Variants in DACH2 observed in about 807,000 individuals in gnomAD.
The protein encoded by DACH2 is dachshund homolog 2.
In DACH2, 17 loss-of-function variants were observed where a neutral mutation model predicts 35.8. That is an observed-to-expected ratio of 0.48 (90% CI 0.33 to 0.71). The LOEUF (loss-of-function observed/expected upper bound fraction) is 0.71, where lower values mean the gene tolerates loss of function less well. Ranked by LOEUF, DACH2 falls within the 30% of genes least tolerant of loss-of-function variation. The pLI is 0.02. For synonymous variants in DACH2, 195 were observed against 177.3 expected, an observed-to-expected ratio of 1.10 and a Z score of -0.79; for missense variants, 469 against 472.7, an observed-to-expected ratio of 0.99 and a Z score of 0.07.
At chrX:86,829,097 A>G (rs1036788336) in intron 11 of DACH2, 1 of 111,749 alleles carries the variant, frequency 8.9e-6, no homozygotes, top group African/African-American at 3.2e-5. Flanking sequence ...ACATTAATTC[A>G]TATCGATGTG....
chrX:86,180,200 A>G lies in DACH2; in HGVS notation c.488+31092A>G, dbSNP rs2031440169. Among the ~76,000 whole-genome samples, 3 of 89,078 alleles carry G rather than the reference A, an allele frequency of 3.4e-5. No individual in the cohort carries two copies. In the South Asian group the frequency reaches 1.4e-3, roughly 43 times the overall value. The allele number at this position is 89,078 out of a possible 115,157, so 77.4% of individuals were successfully genotyped here. A position where few individuals can be genotyped will look rare whatever the true frequency, so the allele number is the denominator to read the frequency against. On this transcript the variant is annotated intron_variant, in intron 1 of 11. Transcript: ENST00000373125. ...CGTATATATATATATATATATATATATATATATGGTTCTTATAGTAATGTG... is the reference window on the plus strand; with the variant it reads ...CGTATATATATATATATATATATATGTATATATGGTTCTTATAGTAATGTG...
At chrX:86,396,706 T>C (rs1446617497) in intron 2 of DACH2, among the ~76,000 whole-genome samples, 2 of 111,149 alleles carry the variant, frequency 1.8e-5, no homozygotes, top group Admixed American at 9.6e-5. Flanking sequence ...TGCAGATATG[T>C]GGCATTATTT....
chrX:86,209,816 G>A (rs2032403175), intron 1 of DACH2, among the ~76,000 whole-genome samples: 1 of 111,048 alleles, frequency 9.0e-6, no homozygotes, highest in Non-Finnish European at 1.9e-5. Context: ...GCCTCTGAGA[G>A]CAATAATATC....
At chrX:86,339,361 T>G (rs1264433962) in intron 1 of DACH2, among the ~76,000 whole-genome samples, 1 of 111,857 alleles carries the variant, frequency 8.9e-6, no homozygotes, top group African/African-American at 3.2e-5. Context: ...GTTCATTTAG[T>G]AAGTAAAGTA....
In DACH2 at chrX:86,376,913, GC is replaced by G. The variant is rs771773458; in HGVS notation, c.527+53del. On this transcript the variant is annotated intron_variant, in intron 2 of 11. Transcript: ENST00000373125. ...ATCAAATTCCTGAGAATGTCCTGGA[GC>G]CTGTACAGATTCAGCCACACTTTCA... The G allele has an allele frequency of 2.9e-4, 154 of 537,221 alleles. 2 individuals carry two copies. Among genetic ancestry groups the G allele is most frequent in the South Asian group, 1.4e-3 (47 of 33,592 alleles). 44.3% of individuals were successfully genotyped at this position (537,221 alleles called of 1,213,427 possible).
intron 3 of DACH2, among the ~76,000 whole-genome samples, chrX:86,575,225 A>G (rs958304929): frequency 1.8e-5 from 2 of 111,121 alleles, no homozygotes; most frequent in African/African-American, 6.5e-5. Flanking sequence ...TCTATAGTAG[A>G]TTTGGCACTT....
At chrX:86,514,202 G>A in intron 2 of DACH2, 77 bp from the exon 3 acceptor site, 2 of 900,984 alleles carry the variant, frequency 2.2e-6, no homozygotes, top group East Asian at 3.4e-5. Context: ...GATTTAAAAG[G>A]TAAATATTGC....
chrX:86,328,831 G>A (rs773967668), intron 1 of DACH2, among the ~76,000 whole-genome samples: 1 of 111,612 alleles, frequency 9.0e-6, no homozygotes, highest in Non-Finnish European at 1.9e-5. Context: ...TGAAAAGGTT[G>A]AGTGAATAGG....
At chrX:86,318,431 A>G (rs1235405839) in intron 1 of DACH2, among the ~76,000 whole-genome samples, 1 of 111,672 alleles carries the variant, frequency 9.0e-6, no homozygotes, top group African/African-American at 3.2e-5. Flanking sequence ...TTTGAACAAG[A>G]TGAAAACAAG....
intron 2 of DACH2, among the ~76,000 whole-genome samples, chrX:86,468,896 T>A (rs770206141): frequency 8.9e-6 from 1 of 111,768 alleles, no homozygotes; most frequent in South Asian, 3.7e-4. Context: ...AAAAGTACAC[T>A]GCACTCCCAA....
chrX:86,335,531 A>C (rs1449782209), intron 1 of DACH2, among the ~76,000 whole-genome samples: 1 of 110,924 alleles, frequency 9.0e-6, no homozygotes, highest in African/African-American at 3.3e-5. Context: ...AAGGAACTTC[A>C]CTCATAATTT....
intron 7 of DACH2, among the ~76,000 whole-genome samples, chrX:86,771,941 A>G (rs2041991366): frequency 9.0e-6 from 1 of 111,536 alleles, no homozygotes; most frequent in African/African-American, 3.3e-5. Context: ...TGTTTGTGAA[A>G]TGTTGGTATA....
intron 5 of DACH2, among the ~76,000 whole-genome samples, chrX:86,708,657 G>T (rs983316341): frequency 2.7e-5 from 3 of 109,480 alleles, no homozygotes; most frequent in Non-Finnish European, 3.8e-5. Flanking sequence ...GGGAGTGGGG[G>T]AGGAGGAAGT....
At chrX:86,160,833 G>A in intron 1 of DACH2, 1 of 496,365 alleles carries the variant, frequency 2.0e-6, no homozygotes, top group South Asian at 3.0e-5. Flanking sequence ...CACCATACCG[G>A]GTTTGAGAAC....
At chrX:86,445,704 T>C (rs1053029449) in intron 2 of DACH2, among the ~76,000 whole-genome samples, 7 of 110,428 alleles carry the variant, frequency 6.3e-5, no homozygotes, top group Non-Finnish European at 1.3e-4. Flanking sequence ...TCTAGTGTTA[T>C]GTCACTGTGG....
At chrX:86,312,795 G>A (rs759507739) in intron 1 of DACH2, among the ~76,000 whole-genome samples, 1 of 111,262 alleles carries the variant, frequency 9.0e-6, no homozygotes, top group East Asian at 2.8e-4. Flanking sequence ...GCCTATTGTG[G>A]GACCTTGTGA....
chrX:86,514,713 G>A lies in DACH2; in HGVS notation c.640+322G>A, dbSNP rs1218620956. Among the ~76,000 whole-genome samples, 3 of 111,407 alleles carry A rather than the reference G, an allele frequency of 2.7e-5. No homozygotes were observed. The East Asian group carries it at 8.5e-4, about 32-fold the overall frequency. On this transcript the variant is annotated intron_variant, in intron 3 of 11. Transcript: ENST00000373125. ...CAGCATCATCTCGAAGCCTCCTATAGGGTGCAGCACTCCTGTATACTTAGG... is the reference window on the plus strand; with the variant it reads ...CAGCATCATCTCGAAGCCTCCTATAAGGTGCAGCACTCCTGTATACTTAGG...
intron 1 of DACH2, among the ~76,000 whole-genome samples, chrX:86,302,000 G>A (rs1219586453): frequency 9.0e-6 from 1 of 111,594 alleles, no homozygotes. Flanking sequence ...TTAATGTGTA[G>A]TTAATGTCCT....
chrX:86,511,022 C>T (rs1214002997), intron 2 of DACH2, among the ~76,000 whole-genome samples: 7 of 111,711 alleles, frequency 6.3e-5, no homozygotes, highest in African/African-American at 1.3e-4. Context: ...CAACCTATGC[C>T]GATTAAATTG....
Sources: allele counts gnomAD v4.1 joint callset (sites outside exome capture counted in the v4.1 genomes callset), GRCh38; gene constraint gnomAD v4.1.1; transcripts MANE v1.5; gene names NCBI Gene and HGNC (gene_info 2026-07-23, HGNC 2026-07-21).